Variants in LRRC71 observed in about 807,000 individuals in gnomAD.
LRRC71 encodes leucine rich repeat containing 71.
A neutral mutation model predicts 66.6 loss-of-function variants in LRRC71; 54 were observed. The ratio of observed to expected loss-of-function variants is 0.81; its 90% CI spans 0.65 to 1.02. The LOEUF is 1.02. LRRC71 is among the 50% of genes least tolerant of loss of function. The pLI is 0.00. For missense variants in LRRC71, 724 were observed against 718.0 expected, an observed-to-expected ratio of 1.01 and a Z score of -0.10; for synonymous variants, 323 against 303.9, an observed-to-expected ratio of 1.06 and a Z score of -0.65.
chr1:156,923,691 TG>T (rs1396148264), intron 1 of LRRC71, among the ~76,000 whole-genome samples: 2 of 152,134 alleles, frequency 1.3e-5, no homozygotes, highest in African/African-American at 4.8e-5. Context: ...CGCTTTGACC[TG>T]GGGGTGGGGA....
Position 156,927,593 on chromosome 1 carries a change from C to G in LRRC71, c.760C>G (p.Leu254Val). The part of the protein sequence containing the change: ...LSTLHSCNRT[L>V]VSLNLGFNHI... The stretch of plus-strand genomic sequence containing the variant: ...CACGCTGCACAGCTGCAACCGGACC[C>G]TCGTCTCGCTCAACCTGGGTTTCAA... The change falls in exon 7 of 15, where the codon CTC becomes GTC. Residue 254 changes from leucine to valine, a missense_variant. By Grantham distance (32) the Leu-to-Val change is conservative. Transcript: ENST00000337428. 6.3e-7 allele frequency: 1 copy of G among 1,599,342 alleles called. No homozygotes were observed. Among genetic ancestry groups the G allele is most frequent in the Non-Finnish European group, 8.5e-7 (1 of 1,172,686 alleles).
downstream of LRRC71, chr1:156,933,229 C>CA: frequency 2.4e-6 from 1 of 424,102 alleles, no homozygotes; most frequent in South Asian, 4.1e-5. Flanking sequence ...CCTCTGGCCT[C>CA]AGTTAGCCAG....
downstream of LRRC71, among the ~76,000 whole-genome samples, chr1:156,934,659 G>A (rs1422227390): frequency 6.6e-6 from 1 of 151,866 alleles, no homozygotes; most frequent in Non-Finnish European, 1.5e-5. Context: ...TACAACTTAA[G>A]TTTGCCCAGT....
Position 156,924,040 on chromosome 1 carries a change from G to GCGC in LRRC71, c.253_254insGCC (p.Arg84dup). 3 of 1,546,488 alleles carry GCGC rather than the reference G, an allele frequency of 1.9e-6. No homozygotes were observed. The highest frequency in any genetic ancestry group is 2.6e-6 in the Non-Finnish European group (3 of 1,144,270). ...CGGACTTCCCCAAAGTTGTCAACCGGCCCCGCCCCCACCCGCCCTTCGTCC... is the reference window on the plus strand; with the variant it reads ...CGGACTTCCCCAAAGTTGTCAACCGGCGCCCCCGCCCCCACCCGCCCTTCGTCC... On this transcript the variant is annotated inframe_insertion, in exon 2 of 15. Transcript: ENST00000337428.
intron 14 of LRRC71, 128 bp from the exon 15 acceptor site, chr1:156,932,725 A>T (rs986122956): frequency 5.3e-5 from 81 of 1,520,730 alleles, no homozygotes; most frequent in Non-Finnish European, 3.2e-5. Flanking sequence ...CAGCAGTATT[A>T]ATCACTCTGC....
chr1:156,928,698 G>C (rs1483812736), intron 9 of LRRC71, among the ~76,000 whole-genome samples: 1 of 150,508 alleles, frequency 6.6e-6, no homozygotes, highest in East Asian at 2.0e-4. Context: ...AGCCTCCTGA[G>C]TAGCTGAGAT....
chr1:156,932,221 C>G, intron 13 of LRRC71, 194 bp downstream of exon 13: 1 of 659,976 alleles, frequency 1.5e-6, no homozygotes, highest in Non-Finnish European at 2.7e-6. Flanking sequence ...TGAGGACAGG[C>G]GATTGGAGTA....
downstream of LRRC71, chr1:156,935,049 A>G (rs548305270): frequency 6.6e-6 from 1 of 152,026 alleles, no homozygotes; most frequent in South Asian, 2.1e-4. Context: ...GGACGTGGTG[A>G]TGGGGCCAAT....
chr1:156,927,208 G>GTCTC lies in LRRC71; in HGVS notation c.602_605dup (p.Glu203SerfsTer30), dbSNP rs1336713986. 10 of 1,612,736 alleles carry GTCTC rather than the reference G, an allele frequency of 6.2e-6. No homozygotes were observed. The highest frequency in any genetic ancestry group is 8.5e-6 in the Non-Finnish European group (10 of 1,179,418). On this transcript the variant is annotated frameshift_variant, in exon 6 of 15. Transcript: ENST00000337428. LOFTEE classifies it high-confidence loss of function. Reference sequence around the variant, plus strand: ...AGATCTCCCCTGCCCTCAGGAAGGTGTCTCTGGAGGGGAACCCACTGCCGG... The same window carrying GTCTC: ...AGATCTCCCCTGCCCTCAGGAAGGTGTCTCTCTCTGGAGGGGAACCCACTGCCGG...
chr1:156,924,938 C>T lies in LRRC71; in HGVS notation c.516C>T (p.Asn172=). The T allele has an allele frequency of 6.4e-7, 1 of 1,551,650 alleles. No homozygotes were observed. Among genetic ancestry groups the T allele is most frequent in the South Asian group, 1.2e-5 (1 of 84,048 alleles). ...LPPLTQLQAI[N]LWKVGLTDKT... ...TTTCTGCACTTCCCGCCCACGACAGCTTGTGGAAGGTGGGGCTGACCGATA... is the reference window on the plus strand; with the variant it reads ...TTTCTGCACTTCCCGCCCACGACAGTTTGTGGAAGGTGGGGCTGACCGATA... Residue 172 remains asparagine (N), a splice_region_variant and synonymous_variant, in exon 5 of 15, where the codon AAC becomes AAT. Coordinates refer to ENST00000337428, the MANE Select transcript of LRRC71 (RefSeq NM_144702.3).
At chr1:156,921,698 C>G (rs1652392948) in intron 1 of LRRC71, 5 of 629,858 alleles carry the variant, frequency 7.9e-6, no homozygotes, top group Non-Finnish European at 9.7e-6. Flanking sequence ...AGGTACGAAG[C>G]CAGTTACATT....
chr1:156,927,402 C>T, intron 6 of LRRC71, 94 bp from the exon 7 acceptor site: 1 of 1,513,536 alleles, frequency 6.6e-7, no homozygotes, highest in South Asian at 1.3e-5. Context: ...CATCCTCAGA[C>T]CAGACCGCCC....
At position 156,933,007 on chromosome 1, in the gene LRRC71, C is replaced by T; in HGVS notation, c.*38C>T. The T allele has an allele frequency of 6.8e-7, 1 of 1,462,972 alleles. No individual in the cohort carries two copies. The highest frequency in any genetic ancestry group is 1.2e-5 in the South Asian group (1 of 81,762). The allele number at this position is 1,462,972 out of a possible 1,614,324, so 90.6% of individuals were successfully genotyped here. A position where few individuals can be genotyped will look rare whatever the true frequency, so the allele number is the denominator to read the frequency against. On this transcript the variant is annotated 3_prime_UTR_variant, in exon 15 of 15. Transcript: ENST00000337428. Reference sequence around the variant, plus strand: ...TGCTTGCCTCTAAGACTCGGGGCTACAGAAGCACCTCCTGTCCCTGTGTGG... The same window carrying T: ...TGCTTGCCTCTAAGACTCGGGGCTATAGAAGCACCTCCTGTCCCTGTGTGG...
the LRRC71 span, chr1:156,939,369 G>A: frequency 5.0e-6 from 4 of 804,228 alleles, no homozygotes; most frequent in East Asian, 2.5e-5. Context: ...TCTGAATCTC[G>A]AATGTCCAAC....
the LRRC71 span, chr1:156,940,200 C>T: frequency 6.4e-7 from 1 of 1,568,768 alleles, no homozygotes; most frequent in Non-Finnish European, 8.7e-7. Flanking sequence ...GGCCTTGAAG[C>T]ACTCACCATC....
intron 9 of LRRC71, 68 bp from the exon 10 acceptor site, chr1:156,929,211 AC>A: frequency 6.5e-7 from 1 of 1,531,192 alleles, no homozygotes; most frequent in Non-Finnish European, 8.8e-7. Context: ...GGGTATAGCT[AC>A]CTTTCATGCC....
chr1:156,928,524 C>CTCCTCT, intron 9 of LRRC71, among the ~76,000 whole-genome samples: 1 of 135,696 alleles, frequency 7.4e-6, no homozygotes, highest in South Asian at 2.4e-4. Context: ...CTTCCTCTTC[C>CTCCTCT]TCTTCTTCTT....
At chr1:156,935,855 C>G, downstream of LRRC71, 1 of 892,530 alleles carries the variant, frequency 1.1e-6, no homozygotes, top group East Asian at 2.7e-5. Flanking sequence ...ATGCGGGTCT[C>G]CCCCCGGGCC....
intron 9 of LRRC71, 139 bp from the exon 10 acceptor site, chr1:156,929,141 T>C (rs1164781897): frequency 2.0e-6 from 2 of 1,001,612 alleles, no homozygotes; most frequent in Non-Finnish European, 2.9e-6. Flanking sequence ...CAAATTATTT[T>C]AGCATTTAGG....
Sources: allele counts gnomAD v4.1 joint callset (sites outside exome capture counted in the v4.1 genomes callset), GRCh38; gene constraint gnomAD v4.1.1; transcripts MANE v1.5; gene names NCBI Gene and HGNC (gene_info 2026-07-23, HGNC 2026-07-21).